The following C12orf42 variants were observed in gnomAD, a reference collection of about 807,000 sequenced individuals.
C12orf42 encodes chromosome 12 open reading frame 42.
A neutral mutation model predicts 21.6 loss-of-function variants in C12orf42; 25 were observed. The ratio of observed to expected loss-of-function variants is 1.16; its 90% CI spans 0.84 to 1.62. The LOEUF (loss-of-function observed/expected upper bound fraction) is 1.62. C12orf42 is among the 40% of genes most tolerant of loss of function. C12orf42 has a pLI of 0.00. For synonymous variants in C12orf42, 174 were observed against 175.0 expected (o/e 0.99, Z 0.05); for missense variants, 483 against 459.3 (o/e 1.05, Z -0.47).
At chr12:103,110,603 T>C in the C12orf42 span, among the ~76,000 whole-genome samples, 13 of 152,300 alleles carry the variant, frequency 8.5e-5, no homozygotes, top group Admixed American at 7.8e-4. Flanking sequence ...AGGTTTGAAA[T>C]ATATTATAAC....
At chr12:103,148,626 G>A in the C12orf42 span, among the ~76,000 whole-genome samples, 1 of 127,496 alleles carries the variant, frequency 7.8e-6, no homozygotes, top group Non-Finnish European at 1.6e-5. Flanking sequence ...GCTCGTTTGA[G>A]TAAAATGTAA....
At chr12:103,348,865 C>T (rs2042858119) in intron 4 of C12orf42, among the ~76,000 whole-genome samples, 1 of 152,004 alleles carries the variant, frequency 6.6e-6, no homozygotes, top group Non-Finnish European at 1.5e-5. Flanking sequence ...ATTAAATGTC[C>T]AATAGCAAAA....
At chr12:103,146,570 A>AAGAAAGAAAG in the C12orf42 span, among the ~76,000 whole-genome samples, 2 of 146,706 alleles carry the variant, frequency 1.4e-5, no homozygotes, top group Non-Finnish European at 3.0e-5. Flanking sequence ...AAAAGAAAGA[A>AAGAAAGAAAG]AGAAAGAAAG....
At chr12:103,347,827 C>T (rs1446692897) in intron 4 of C12orf42, among the ~76,000 whole-genome samples, 1 of 152,190 alleles carries the variant, frequency 6.6e-6, no homozygotes, top group East Asian at 1.9e-4. Flanking sequence ...GTTGCCCACA[C>T]ACCCAACCCT....
At chr12:103,098,967 A>G in the C12orf42 span, among the ~76,000 whole-genome samples, 1 of 152,214 alleles carries the variant, frequency 6.6e-6, no homozygotes, top group Non-Finnish European at 1.5e-5. Flanking sequence ...AGGTGATGGT[A>G]ACAAAGATAA....
chr12:103,544,091 G>A, the C12orf42 span, among the ~76,000 whole-genome samples: 2 of 151,758 alleles, frequency 1.3e-5, no homozygotes, highest in Non-Finnish European at 2.9e-5. Flanking sequence ...TAGTAGAGAC[G>A]GGATTTCACT....
At chr12:103,176,819 CAAT>C in the C12orf42 span, among the ~76,000 whole-genome samples, 1 of 152,166 alleles carries the variant, frequency 6.6e-6, no homozygotes, top group Non-Finnish European at 1.5e-5. Flanking sequence ...ACTTAGGTGC[CAAT>C]AAGACACCAC....
At chr12:103,255,773 C>T (rs1195563342) in intron 10 of C12orf42, among the ~76,000 whole-genome samples, 1 of 151,358 alleles carries the variant, frequency 6.6e-6, no homozygotes, top group Non-Finnish European at 1.5e-5. Flanking sequence ...AATATATGGC[C>T]GGGCGCGATG....
chr12:103,324,886 T>C (rs570958151), intron 4 of C12orf42, among the ~76,000 whole-genome samples: 1 of 152,342 alleles, frequency 6.6e-6, no homozygotes, highest in South Asian at 2.1e-4. Context: ...ATAATAAACC[T>C]GACATTGGTG....
chr12:103,184,218 C>T, the C12orf42 span, among the ~76,000 whole-genome samples: 99 of 152,240 alleles, frequency 6.5e-4, no homozygotes, highest in African/African-American at 2.3e-3. Context: ...TGCTTCACAT[C>T]TTTTGAGGTT....
chr12:103,146,588 G>GAAAGAAAGAAAA, the C12orf42 span, among the ~76,000 whole-genome samples: 8 of 148,354 alleles, frequency 5.4e-5, no homozygotes, highest in African/African-American at 2.0e-4. Context: ...AAGAAAGAAA[G>GAAAGAAAGAAAA]AAAGAAAGAA....
chr12:103,310,035 T>C (rs1457019501), intron 4 of C12orf42, among the ~76,000 whole-genome samples: 1 of 152,220 alleles, frequency 6.6e-6, no homozygotes, highest in Non-Finnish European at 1.5e-5. Flanking sequence ...CTGTAGACAG[T>C]TGATATAGTT....
chr12:103,069,104 T>G, the C12orf42 span, among the ~76,000 whole-genome samples: 5 of 150,838 alleles, frequency 3.3e-5, no homozygotes, highest in South Asian at 1.0e-3. Context: ...TCTACTGACC[T>G]AATTTCTATT....
chr12:103,467,384 AGATT>A (rs1168586973), intron 2 of C12orf42, among the ~76,000 whole-genome samples: 3 of 152,162 alleles, frequency 2.0e-5, no homozygotes, highest in African/African-American at 7.2e-5. Context: ...GAAAAACAGG[AGATT>A]GCTGCAAAAC....
intron 2 of C12orf42, among the ~76,000 whole-genome samples, chr12:103,462,012 G>C (rs558929442): frequency 1.3e-5 from 2 of 149,706 alleles, no homozygotes; most frequent in African/African-American, 4.9e-5. Flanking sequence ...ATACAGCAGA[G>C]TTTAAGACTC....
At chr12:103,439,105 A>G (rs910338621) in intron 2 of C12orf42, among the ~76,000 whole-genome samples, 40 of 152,224 alleles carry the variant, frequency 2.6e-4, no homozygotes, top group Middle Eastern at 3.4e-3. Context: ...ATAATGCAGC[A>G]TATCTACAAC....
the C12orf42 span, among the ~76,000 whole-genome samples, chr12:103,128,787 A>G: frequency 1.3e-5 from 2 of 152,232 alleles, no homozygotes; most frequent in Non-Finnish European, 2.9e-5. Context: ...TTTTCAGATG[A>G]TAAGTTATTA....
rs2042210193 is a variant in C12orf42 at position 103,342,003 on chromosome 12, C to A, written c.259+26884G>T. Among the ~76,000 whole-genome samples, 5 of 152,188 alleles carry A rather than the reference C, an allele frequency of 3.3e-5. No homozygotes were observed. In the South Asian group the frequency reaches 1.0e-3, roughly 32 times the overall value. On this transcript the variant is annotated intron_variant, in intron 4 of 5. Coordinates refer to ENST00000548883, the MANE Select transcript of C12orf42 (RefSeq NM_198521.5). ...CTTATGTGTCTGTTTCTCTGGAGAA[C>A]CCTGACTAACAGAATCGAGAGAGAG...
the C12orf42 span, among the ~76,000 whole-genome samples, chr12:103,053,612 A>C: frequency 6.6e-6 from 1 of 151,936 alleles, no homozygotes; most frequent in African/African-American, 2.4e-5. Flanking sequence ...ATGTGGTCTG[A>C]ATTATCACTT....
Sources: gnomAD v4.1 joint callset for allele counts (sites outside exome capture counted in the v4.1 genomes callset) on GRCh38, gnomAD v4.1.1 for gene constraint, MANE v1.5 for transcripts, NCBI Gene and HGNC (gene_info 2026-07-23, HGNC 2026-07-21) for gene names.